The following PALLD variants were observed in gnomAD, a reference collection of about 807,000 sequenced individuals.
PALLD encodes palladin, cytoskeletal associated protein.
In PALLD, 61 loss-of-function variants were observed where a neutral mutation model predicts 123.5. The ratio of observed to expected loss-of-function variants is 0.49; its 90% CI spans 0.40 to 0.61. The LOEUF is 0.61. PALLD is among the 20% of genes least tolerant of loss of function. The pLI, the probability that PALLD is intolerant of heterozygous loss-of-function variation, is 0.00. For missense variants in PALLD, 1,273 were observed against 1,377.0 expected, an observed-to-expected ratio of 0.92 and a Z score of 1.20; for synonymous variants, 465 against 496.4, an observed-to-expected ratio of 0.94 and a Z score of 0.84.
intron 2 of PALLD, among the ~76,000 whole-genome samples, chr4:168,583,940 A>T (rs114332110): frequency 1.0e-3 from 153 of 152,144 alleles, no homozygotes; most frequent in African/African-American, 3.5e-3. Context: ...TTTTTTCTCT[A>T]CCAGTTCTAG....
chr4:168,797,075 A>G (rs567223543), intron 10 of PALLD, among the ~76,000 whole-genome samples: 2 of 152,310 alleles, frequency 1.3e-5, no homozygotes, highest in South Asian at 4.2e-4. Context: ...CAAAACTATA[A>G]CTAAGTACAG....
intron 2 of PALLD, among the ~76,000 whole-genome samples, chr4:168,643,111 G>A (rs574430462): frequency 6.6e-6 from 1 of 152,284 alleles, no homozygotes; most frequent in Admixed American, 6.5e-5. Context: ...GTTATGTAAT[G>A]ATACAAATGT....
Position 168,928,322 on chromosome 4 carries a change from TTTATA to T in PALLD, c.*2143_*2147del, listed in dbSNP as rs1206439433. ...ATTATTTTGCCACCTTTATATTGTA[TTTATA>T]AAAAAAAAAGTACTATCAATCAATC... On this transcript the variant is annotated 3_prime_UTR_variant, in exon 22 of 22. Transcript: ENST00000505667. 1.4e-4 allele frequency: 13 copies of T among 95,062 alleles called. No homozygotes were observed. The highest frequency in any genetic ancestry group is 2.8e-4 in the Non-Finnish European group (12 of 43,262). The allele number at this position is 95,062 out of a possible 1,614,324, so 5.9% of individuals were successfully genotyped here. A position where few individuals can be genotyped will look rare whatever the true frequency, so the allele number is the denominator to read the frequency against.
chr4:168,570,284 T>C (rs1394305913), intron 2 of PALLD, among the ~76,000 whole-genome samples: 1 of 152,176 alleles, frequency 6.6e-6, no homozygotes, highest in Non-Finnish European at 1.5e-5. Context: ...AATGTTTGGT[T>C]TTTGTTTTTA....
At chr4:168,655,304 A>C (rs1778445874) in intron 2 of PALLD, among the ~76,000 whole-genome samples, 1 of 152,226 alleles carries the variant, frequency 6.6e-6, no homozygotes, top group Non-Finnish European at 1.5e-5. Flanking sequence ...TTGAAAAAGA[A>C]AGTGAATCCA....
chr4:168,649,785 T>C (rs778183438), intron 2 of PALLD, among the ~76,000 whole-genome samples: 5 of 152,242 alleles, frequency 3.3e-5, no homozygotes, highest in African/African-American at 9.6e-5. Flanking sequence ...CTAAAACGTA[T>C]GTATTTCTTT....
chr4:168,504,591 CTCA>C (rs1202395517), intron 1 of PALLD, among the ~76,000 whole-genome samples: 6 of 70,938 alleles, frequency 8.5e-5, no homozygotes, highest in Non-Finnish European at 1.1e-4. Flanking sequence ...AAGACTCCAA[CTCA>C]AAAAAAAAAA....
chr4:168,551,700 C>A (rs1766748879), intron 2 of PALLD, among the ~76,000 whole-genome samples: 3 of 148,670 alleles, frequency 2.0e-5, no homozygotes, highest in South Asian at 4.3e-4. Flanking sequence ...AAAAAAAAAA[C>A]AAAACAGGCA....
intron 2 of PALLD, among the ~76,000 whole-genome samples, chr4:168,653,201 T>A (rs906080341): frequency 4.6e-5 from 7 of 152,216 alleles, no homozygotes; most frequent in African/African-American, 1.7e-4. Context: ...GAATTTTTTT[T>A]AATTCCTTCA....
chr4:168,668,075 T>TA lies in PALLD; in HGVS notation c.909-113dup, dbSNP rs1561370855. ...AGTAACACTGACATTGTTTTTTTTT[T>TA]AATCAAACAAACATCATTTTGCATA... On this transcript the variant is annotated intron_variant, in intron 2 of 21. Transcript: ENST00000505667. 7.3e-6 allele frequency: 6 copies of TA among 825,118 alleles called. No homozygotes were observed. The Admixed American group carries it at 1.1e-4, about 16-fold the overall frequency. 51.1% of individuals were successfully genotyped at this position (825,118 alleles called of 1,614,324 possible). A position where few individuals can be genotyped will look rare whatever the true frequency, so the allele number is the denominator to read the frequency against.
intron 10 of PALLD, among the ~76,000 whole-genome samples, chr4:168,713,968 T>C (rs866714296): frequency 6.1e-4 from 79 of 129,290 alleles, no homozygotes; most frequent in African/African-American, 2.0e-3. Flanking sequence ...TTTTTTTTTT[T>C]CAAATCTTCG....
At chr4:168,567,542 GGTGTGTGT>G (rs61409598) in intron 2 of PALLD, among the ~76,000 whole-genome samples, 3 of 145,548 alleles carry the variant, frequency 2.1e-5, no homozygotes, top group Non-Finnish European at 3.0e-5. Flanking sequence ...AAGAAAATGT[GGTGTGTGT>G]GTGTGTGTGT....
At chr4:168,905,385 T>C (rs1757498944) in intron 15 of PALLD, among the ~76,000 whole-genome samples, 1 of 151,658 alleles carries the variant, frequency 6.6e-6, no homozygotes, top group African/African-American at 2.4e-5. Context: ...CCTGACCTCG[T>C]GATCCGCCCG....
At chr4:168,602,757 A>G (rs1183811634) in intron 2 of PALLD, among the ~76,000 whole-genome samples, 1 of 152,108 alleles carries the variant, frequency 6.6e-6, no homozygotes, top group Non-Finnish European at 1.5e-5. Flanking sequence ...AAAGAAACAT[A>G]CCAACTTGAA....
chr4:168,515,126 G>A (rs557905214), intron 2 of PALLD, among the ~76,000 whole-genome samples: 3 of 152,276 alleles, frequency 2.0e-5, no homozygotes, highest in African/African-American at 7.2e-5. Flanking sequence ...TTTTGTTTGA[G>A]AGGGAGAGCA....
At chr4:168,649,916 C>A (rs540934808) in intron 2 of PALLD, among the ~76,000 whole-genome samples, 17 of 152,098 alleles carry the variant, frequency 1.1e-4, no homozygotes, top group Admixed American at 3.3e-4. Flanking sequence ...TGGTGGCTCA[C>A]GCCTGTAATC....
chr4:168,812,876 A>T (rs1293334250), intron 10 of PALLD, among the ~76,000 whole-genome samples: 2 of 152,132 alleles, frequency 1.3e-5, no homozygotes, highest in Admixed American at 6.6e-5. Flanking sequence ...CAAAACCTGG[A>T]GTATAAATGT....
chr4:168,798,173 T>C (rs1035071782), intron 10 of PALLD, among the ~76,000 whole-genome samples: 14 of 152,200 alleles, frequency 9.2e-5, no homozygotes, highest in African/African-American at 3.4e-4. Context: ...TGTTTGATAG[T>C]ACACCTCACT....
chr4:168,771,891 T>C (rs1734505881), intron 10 of PALLD, among the ~76,000 whole-genome samples: 1 of 152,184 alleles, frequency 6.6e-6, no homozygotes. Context: ...AGCTTGCTAA[T>C]CAAGAGAGAA....
Sources: gnomAD v4.1 joint callset for allele counts (sites outside exome capture counted in the v4.1 genomes callset) on GRCh38, gnomAD v4.1.1 for gene constraint, MANE v1.5 for transcripts, NCBI Gene and HGNC (gene_info 2026-07-23, HGNC 2026-07-21) for gene names.